The following TIAM1 variants were observed in gnomAD, a reference collection of about 807,000 sequenced individuals.
TIAM1 encodes TIAM Rac1 associated GEF 1, also known as rho guanine nucleotide exchange factor TIAM1.
A neutral mutation model predicts 163.5 loss-of-function variants in TIAM1; 65 were observed. The observed-to-expected ratio is 0.40, with a 90% CI of 0.33 to 0.49. The LOEUF is 0.49. Ranked by LOEUF, TIAM1 falls within the 20% of genes least tolerant of loss-of-function variation. The probability of loss-of-function intolerance (pLI) is 0.77; values close to 1 mark genes in which losing one functional copy is unlikely to be tolerated. For synonymous variants in TIAM1, 833 were observed against 810.1 expected, an observed-to-expected ratio of 1.03 and a Z score of -0.48; for missense variants, 1,789 against 2,044.7, an observed-to-expected ratio of 0.87 and a Z score of 2.41.
chr21:31,218,366 G>A (rs1469562563), intron 8 of TIAM1, among the ~76,000 whole-genome samples: 1 of 152,008 alleles, frequency 6.6e-6, no homozygotes, highest in Non-Finnish European at 1.5e-5. Context: ...TCAGGAGTTC[G>A]AGACCAGCCT....
intron 20 of TIAM1, among the ~76,000 whole-genome samples, chr21:31,142,451 C>A (rs2082888303): frequency 1.7e-5 from 2 of 118,748 alleles, no homozygotes; most frequent in East Asian, 2.6e-4. Context: ...AATCTCATCT[C>A]TACTAAAAAT....
chr21:31,187,388 C>T (rs1169519242), intron 13 of TIAM1, among the ~76,000 whole-genome samples: 5 of 151,982 alleles, frequency 3.3e-5, no homozygotes, highest in Non-Finnish European at 7.4e-5. Flanking sequence ...TTTTTCTTTT[C>T]CATACTCTCC....
rs543186559 is a variant in TIAM1, at chr21:31,528,086, A to C, written c.-422+30841T>G. ...ATTGATGAGACTTCAGTGTTTAAAC[A>C]ACATTCACTGACAGAGAGAAAGAGA... is the stretch of plus-strand genomic sequence containing the variant. On this transcript the variant is annotated intron_variant, in intron 1 of 28. Transcript: ENST00000286827. 1.3e-3 allele frequency among the ~76,000 whole-genome samples: 193 copies of C among 152,370 alleles called. 1 individual carries two copies. The highest frequency in any genetic ancestry group is 1.8e-3 in the Non-Finnish European group (120 of 68,028).
chr21:31,310,312 A>AG (rs935993392), intron 2 of TIAM1, among the ~76,000 whole-genome samples: 42 of 152,292 alleles, frequency 2.8e-4, no homozygotes, highest in African/African-American at 9.9e-4. Context: ...AGAACCAACT[A>AG]GATAGAGGAA....
intron 25 of TIAM1, among the ~76,000 whole-genome samples, chr21:31,129,146 C>A (rs1361817828): frequency 1.3e-5 from 2 of 152,216 alleles, no homozygotes; most frequent in Non-Finnish European, 2.9e-5. Flanking sequence ...TTCCATTTGA[C>A]TCTCCAGAGA....
chr21:31,261,589 T>C (rs1169802327), intron 4 of TIAM1, among the ~76,000 whole-genome samples: 1 of 152,156 alleles, frequency 6.6e-6, no homozygotes, highest in Non-Finnish European at 1.5e-5. Context: ...GGTGCATGCC[T>C]GTAATTCCAG....
chr21:31,427,431 G>A (rs1200651027), intron 2 of TIAM1, among the ~76,000 whole-genome samples: 6 of 152,108 alleles, frequency 3.9e-5, no homozygotes, highest in Admixed American at 1.3e-4. Flanking sequence ...GGGTTGCAGT[G>A]AGCCGAGATT....
intron 5 of TIAM1, 109 bp from the exon 6 acceptor site, chr21:31,245,769 C>T (rs2071469719): frequency 3.7e-6 from 4 of 1,071,492 alleles, no homozygotes; most frequent in Non-Finnish European, 1.2e-6. Flanking sequence ...AATTAAAGCA[C>T]GTGGAACCCA....
chr21:31,243,209 A>AAATATATATAT (rs59419171), intron 6 of TIAM1, among the ~76,000 whole-genome samples: 2 of 117,282 alleles, frequency 1.7e-5, no homozygotes, highest in African/African-American at 7.5e-5. Flanking sequence ...AAAAAAAAAA[A>AAATATATATAT]ATATATATAT....
intron 2 of TIAM1, among the ~76,000 whole-genome samples, chr21:31,422,908 A>G (rs1394828479): frequency 6.6e-6 from 1 of 152,066 alleles, no homozygotes; most frequent in Non-Finnish European, 1.5e-5. Context: ...CTCCTGCAGC[A>G]CACTGGACCA....
At chr21:31,130,065 G>T in intron 25 of TIAM1, 148 bp downstream of exon 25, 1 of 607,264 alleles carries the variant, frequency 1.6e-6, no homozygotes, top group East Asian at 2.6e-5. Context: ...AGGCAATAGA[G>T]AGACCGAGAG....
intron 2 of TIAM1, among the ~76,000 whole-genome samples, chr21:31,459,952 C>T (rs941869555): frequency 1.3e-5 from 2 of 152,146 alleles, no homozygotes; most frequent in Admixed American, 6.6e-5. Context: ...CCTCTTTTTC[C>T]TCAGGGTGCT....
chr21:31,127,212 T>C (rs1004860208), intron 25 of TIAM1, 60 bp from the exon 26 acceptor site: 3 of 1,523,048 alleles, frequency 2.0e-6, no homozygotes, highest in African/African-American at 2.7e-5. Context: ...ATTTACATGT[T>C]TGCAAAAGCA....
At chr21:31,193,963 T>A (rs879475427) in intron 13 of TIAM1, among the ~76,000 whole-genome samples, 5 of 152,138 alleles carry the variant, frequency 3.3e-5, no homozygotes, top group African/African-American at 4.8e-5. Flanking sequence ...CCAGCTTCCA[T>A]GCGTGCTGTG....
chr21:31,145,610 G>A (rs138854376), intron 20 of TIAM1, among the ~76,000 whole-genome samples: 66 of 152,254 alleles, frequency 4.3e-4, no homozygotes, highest in African/African-American at 1.4e-3. Context: ...GAGCACTTAA[G>A]GAAAAGCAGC....
chr21:31,392,936 G>A (rs541045130), intron 2 of TIAM1, among the ~76,000 whole-genome samples: 3 of 149,206 alleles, frequency 2.0e-5, no homozygotes, highest in South Asian at 4.3e-4. Flanking sequence ...ATACAGAACC[G>A]TGAGCCAAAT....
intron 11 of TIAM1, among the ~76,000 whole-genome samples, chr21:31,207,408 T>C (rs748878067): frequency 3.9e-5 from 6 of 152,162 alleles, no homozygotes; most frequent in Non-Finnish European, 7.4e-5. Flanking sequence ...TTATTAAATA[T>C]TAGAGAAAGC....
intron 22 of TIAM1, among the ~76,000 whole-genome samples, chr21:31,139,219 A>T (rs1279916583): frequency 6.6e-6 from 1 of 152,160 alleles, no homozygotes; most frequent in African/African-American, 2.4e-5. Context: ...TCTAATCTTT[A>T]GCATCATGGT....
intron 2 of TIAM1, among the ~76,000 whole-genome samples, chr21:31,325,360 T>C (rs1410705986): frequency 6.7e-6 from 1 of 150,024 alleles, no homozygotes; most frequent in Admixed American, 6.7e-5. Context: ...TCTCATAGAG[T>C]ATGTTTTTAG....
Sources: gnomAD v4.1 joint callset for allele counts (sites outside exome capture counted in the v4.1 genomes callset) on GRCh38, gnomAD v4.1.1 for gene constraint, MANE v1.5 for transcripts, NCBI Gene and HGNC (gene_info 2026-07-23, HGNC 2026-07-21) for gene names.